The following CFAP299 variants were observed in gnomAD, a reference collection of about 807,000 sequenced individuals.
CFAP299 encodes the protein cilia- and flagella-associated protein 299.
A neutral mutation model predicts 27.0 loss-of-function variants in CFAP299; 21 were observed. That is an observed-to-expected ratio of 0.78 (90% confidence interval 0.55 to 1.12). The LOEUF is 1.12. Among genes scored for constraint, CFAP299 ranks in the 50% most tolerant of loss-of-function variants. CFAP299 has a pLI of 0.00. For missense variants in CFAP299, 310 were observed against 276.6 expected (o/e 1.12, Z -0.86); for synonymous variants, 104 against 98.1 (o/e 1.06, Z -0.36).
chr4:80,561,297 A>C (rs1226363180), intron 2 of CFAP299, among the ~76,000 whole-genome samples: 1 of 152,188 alleles, frequency 6.6e-6, no homozygotes, highest in Non-Finnish European at 1.5e-5. Context: ...CTTAGATCAC[A>C]ACACTCAAGT....
intron 3 of CFAP299, among the ~76,000 whole-genome samples, chr4:80,599,461 G>C (rs1412105215): frequency 6.6e-6 from 1 of 152,054 alleles, no homozygotes; most frequent in African/African-American, 2.4e-5. Flanking sequence ...TTTTATATAG[G>C]TTTGGCAATG....
chr4:80,546,746 C>T (rs1734245793), intron 2 of CFAP299, among the ~76,000 whole-genome samples: 1 of 152,138 alleles, frequency 6.6e-6, no homozygotes, highest in South Asian at 2.1e-4. Flanking sequence ...CTTGCTCCCA[C>T]TTTGCCTTAC....
intron 3 of CFAP299, among the ~76,000 whole-genome samples, chr4:80,706,027 A>G (rs540130706): frequency 2.2e-4 from 33 of 151,944 alleles, no homozygotes; most frequent in Middle Eastern, 3.4e-3. Flanking sequence ...TTATGCAATA[A>G]ATCTTGCTTT....
At chr4:80,659,576 A>G (rs1190162332) in intron 3 of CFAP299, among the ~76,000 whole-genome samples, 1 of 152,012 alleles carries the variant, frequency 6.6e-6, no homozygotes, top group Non-Finnish European at 1.5e-5. Context: ...AAAAATGAAA[A>G]CCACATTGAG....
At chr4:80,713,459 G>T (rs1196779656) in intron 3 of CFAP299, among the ~76,000 whole-genome samples, 1 of 152,158 alleles carries the variant, frequency 6.6e-6, no homozygotes, top group Admixed American at 6.5e-5. Flanking sequence ...AAAATAAATT[G>T]CTTTCTATAA....
At chr4:80,358,890 G>A (rs1483503214) in intron 1 of CFAP299, among the ~76,000 whole-genome samples, 1 of 152,116 alleles carries the variant, frequency 6.6e-6, no homozygotes, top group Non-Finnish European at 1.5e-5. Flanking sequence ...TTGCAGACTT[G>A]TTTATGTTGT....
intron 3 of CFAP299, among the ~76,000 whole-genome samples, chr4:80,754,153 C>A (rs1725096822): frequency 6.6e-6 from 1 of 152,004 alleles, no homozygotes; most frequent in African/African-American, 2.4e-5. Context: ...AATTGGCATG[C>A]CTTTCCTTCT....
intron 2 of CFAP299, among the ~76,000 whole-genome samples, chr4:80,463,807 T>C (rs1729574604): frequency 6.6e-6 from 1 of 152,122 alleles, no homozygotes; most frequent in Non-Finnish European, 1.5e-5. Context: ...ATTCAGTCCA[T>C]AACATTATAC....
At position 80,411,567 on chromosome 4, in the gene CFAP299, C is replaced by T. The variant is rs114587396; in HGVS notation, c.242+48683C>T. Among the ~76,000 whole-genome samples, 1,127 of 151,994 alleles carry T rather than the reference C, an allele frequency of 7.4e-3. 12 individuals are homozygous for T. The highest frequency in any genetic ancestry group is 0.031 in the Middle Eastern group (9 of 290). Reference sequence around the variant, plus strand: ...CCTTATTTATTTATTTAATAAACAACCTTTGCTATATATTACAATATAATA... The same window carrying T: ...CCTTATTTATTTATTTAATAAACAATCTTTGCTATATATTACAATATAATA... On this transcript the variant is annotated intron_variant, in intron 2 of 5. Coordinates refer to ENST00000358105, the MANE Select transcript of CFAP299 (RefSeq NM_152770.3).
At chr4:80,708,376 A>G (rs960955093) in intron 3 of CFAP299, among the ~76,000 whole-genome samples, 2 of 151,898 alleles carry the variant, frequency 1.3e-5, no homozygotes, top group African/African-American at 4.8e-5. Flanking sequence ...CTTTATGTAA[A>G]TATATTCCAG....
intron 3 of CFAP299, among the ~76,000 whole-genome samples, chr4:80,638,137 A>G (rs534328948): frequency 4.6e-4 from 70 of 152,314 alleles, no homozygotes; most frequent in African/African-American, 1.7e-3. Flanking sequence ...CCTCATTGCC[A>G]GAGTCACACA....
chr4:80,674,427 T>C (rs4569745), intron 3 of CFAP299, among the ~76,000 whole-genome samples: 134,634 of 152,122 alleles, frequency 0.89, 60,105 homozygotes, highest in East Asian at 1. Flanking sequence ...GTGGGTAACC[T>C]GACCTTTCTC....
At chr4:80,934,362 G>A (rs1376203669) in intron 4 of CFAP299, among the ~76,000 whole-genome samples, 2 of 151,956 alleles carry the variant, frequency 1.3e-5, no homozygotes, top group Non-Finnish European at 2.9e-5. Flanking sequence ...AGGGTTATTG[G>A]TCTATAATTG....
chr4:80,416,009 C>T (rs896725689), intron 2 of CFAP299, among the ~76,000 whole-genome samples: 6 of 152,104 alleles, frequency 3.9e-5, no homozygotes, highest in African/African-American at 9.7e-5. Context: ...AGGATTAAAG[C>T]GGGCATAATT....
chr4:80,561,721 TAGAG>T (rs1002745980), intron 2 of CFAP299, among the ~76,000 whole-genome samples: 19 of 151,542 alleles, frequency 1.3e-4, no homozygotes, highest in Admixed American at 3.9e-4. Context: ...AAAAGAGAAA[TAGAG>T]AGCTTTGAAG....
chr4:80,780,896 T>C (rs562380720), intron 3 of CFAP299, among the ~76,000 whole-genome samples: 118 of 152,058 alleles, frequency 7.8e-4, no homozygotes, highest in African/African-American at 2.6e-3. Flanking sequence ...TTTATGCCTA[T>C]AAATTAGACC....
intron 3 of CFAP299, among the ~76,000 whole-genome samples, chr4:80,723,376 G>A (rs1354350168): frequency 1.3e-5 from 2 of 152,062 alleles, no homozygotes; most frequent in Non-Finnish European, 2.9e-5. Flanking sequence ...GGATAAAAAA[G>A]CAGTAAAATA....
intron 4 of CFAP299, among the ~76,000 whole-genome samples, chr4:80,912,381 G>T (rs1042622937): frequency 6.6e-6 from 1 of 152,086 alleles, no homozygotes; most frequent in South Asian, 2.1e-4. Flanking sequence ...AGCGAGAAAG[G>T]TTCGTCCCTA....
intron 2 of CFAP299, among the ~76,000 whole-genome samples, chr4:80,520,788 G>C (rs1480352696): frequency 6.6e-6 from 1 of 152,156 alleles, no homozygotes; most frequent in African/African-American, 2.4e-5. Flanking sequence ...CATTAAACAA[G>C]ACTTTCTGGT....
Sources: allele counts gnomAD v4.1 joint callset (sites outside exome capture counted in the v4.1 genomes callset), GRCh38; gene constraint gnomAD v4.1.1; transcripts MANE v1.5; gene names NCBI Gene and HGNC (gene_info 2026-07-23, HGNC 2026-07-21).